Variants in PDE8A observed in about 807,000 individuals in gnomAD.
PDE8A encodes the protein phosphodiesterase 8A.
In PDE8A, 59 loss-of-function variants were observed where a neutral mutation model predicts 105.0. The observed-to-expected ratio is 0.56, with a 90% CI of 0.46 to 0.70. The LOEUF is 0.70. Ranked by LOEUF, PDE8A falls within the 30% of genes least tolerant of loss-of-function variation. The pLI, the probability that PDE8A is intolerant of heterozygous loss-of-function variation, is 0.00. For synonymous variants in PDE8A, 355 were observed against 371.9 expected (o/e 0.95, Z 0.52); for missense variants, 1,014 against 1,045.9 (o/e 0.97, Z 0.42).
intron 20 of PDE8A, among the ~76,000 whole-genome samples, chr15:85,130,380 C>G (rs531871876): frequency 6.6e-6 from 1 of 152,130 alleles, no homozygotes; most frequent in Non-Finnish European, 1.5e-5. Flanking sequence ...GTGAGTTTCC[C>G]GGTTTTCCTT....
intron 8 of PDE8A, among the ~76,000 whole-genome samples, chr15:85,094,275 T>C (rs1482264111): frequency 2.0e-5 from 3 of 152,204 alleles, no homozygotes; most frequent in Admixed American, 1.3e-4. Context: ...AAGATGATGA[T>C]GTGCAGCTGC....
chr15:85,045,451 C>T (rs2080872508), intron 1 of PDE8A, among the ~76,000 whole-genome samples: 1 of 152,230 alleles, frequency 6.6e-6, no homozygotes. Flanking sequence ...CCTGCAACTA[C>T]TGCTTACCAA....
rs577683808 is a variant in PDE8A, at chr15:85,087,547, A to C, written c.636-1791A>C. ...ACTTAGTAGTATCTCTGCACTTTAT[A>C]AGCAGGCAGTTTTCTTTTTTTTCAT... On this transcript the variant is annotated intron_variant, in intron 6 of 21. Coordinates refer to ENST00000394553, the MANE Select transcript of PDE8A (RefSeq NM_002605.3). Among the ~76,000 whole-genome samples, 4 of 151,638 alleles carry C rather than the reference A, an allele frequency of 2.6e-5. No homozygotes were observed. In the South Asian group the frequency reaches 8.3e-4, roughly 31 times the overall value.
chr15:85,087,256 G>A (rs555519262), intron 6 of PDE8A, among the ~76,000 whole-genome samples: 3 of 152,224 alleles, frequency 2.0e-5, no homozygotes, highest in Admixed American at 2.0e-4. Flanking sequence ...GGGCTGGAGT[G>A]CAGTTGTGTG....
chr15:85,083,593 A>G lies in PDE8A; in HGVS notation c.584A>G (p.Asn195Ser), dbSNP rs749321712. The change falls in exon 6 of 22, where the codon AAT becomes AGT. Residue 195 changes from asparagine (N) to serine (S), a missense_variant. Coordinates refer to ENST00000394553, the MANE Select transcript of PDE8A (RefSeq NM_002605.3). ...AACCCCAACATCATGGCCTGCTACA[A>G]TGAACTGCTCCAGCTGGAGTTTGGA... ...VENPNIMACY[N>S]ELLQLEFGEV... is the part of the protein sequence containing the mutation. 1.1e-5 allele frequency: 18 copies of G among 1,613,764 alleles called. No individual in the cohort carries two copies. Among genetic ancestry groups the G allele is most frequent in the East Asian group, 2.2e-5 (1 of 44,838 alleles).
Position 85,009,090 on chromosome 15 carries a change from T to TGA in PDE8A, c.186+26762_186+26763dup, listed in dbSNP as rs747103517. Among the ~76,000 whole-genome samples, 83 of 147,936 alleles carry TGA rather than the reference T, an allele frequency of 5.6e-4. 1 individual carries two copies. The highest frequency in any genetic ancestry group is 3.5e-3 in the Middle Eastern group (1 of 284). ...CTTCACTTCCTGGTGTGTTAGTGTG[T>TGA]GAGAGAGAGAGAGAGAGAGAGTGTG... On this transcript the variant is annotated intron_variant, in intron 1 of 21. Transcript: ENST00000394553.
chr15:84,996,741 G>A (rs1307207947), intron 1 of PDE8A, among the ~76,000 whole-genome samples: 2 of 138,006 alleles, frequency 1.4e-5, no homozygotes, highest in South Asian at 2.3e-4. Flanking sequence ...CAGGAAAGTC[G>A]CTTGAACCCA....
intron 1 of PDE8A, among the ~76,000 whole-genome samples, chr15:85,057,652 C>T (rs190151167): frequency 1.4e-3 from 211 of 152,294 alleles, no homozygotes; most frequent in Non-Finnish European, 2.3e-3. Flanking sequence ...TGTTCCTATT[C>T]GGCCATCTTG....
chr15:85,113,387 G>A lies in PDE8A; in HGVS notation c.1125G>A (p.Gln375=). Residue 375 remains glutamine (Q), a synonymous_variant, in exon 13 of 22, where the codon CAG becomes CAA. Transcript: ENST00000394553. Reference sequence around the variant, plus strand: ...TCCCTTTCTCCACAGTTTCCAGCCAGAGACGACACTCTTCCATGGCCCGGA... The same window carrying A: ...TCCCTTTCTCCACAGTTTCCAGCCAAAGACGACACTCTTCCATGGCCCGGA... ...VASRATEVSS[Q]RRHSSMARIH... is the part of the protein sequence containing the mutation. 6.2e-7 allele frequency: 1 copy of A among 1,614,060 alleles called. No homozygotes were observed.
At chr15:85,097,852 C>T (rs2081784160) in intron 8 of PDE8A, 96 bp from the exon 9 acceptor site, 2 of 703,170 alleles carry the variant, frequency 2.8e-6, no homozygotes, top group Non-Finnish European at 2.5e-6. Flanking sequence ...ATCTTAATTG[C>T]TTTAGCAATG....
intron 3 of PDE8A, among the ~76,000 whole-genome samples, chr15:85,069,681 G>A (rs1023445279): frequency 3.9e-5 from 6 of 152,156 alleles, no homozygotes; most frequent in Non-Finnish European, 7.3e-5. Context: ...GGGAACCAGT[G>A]ACAAGTAAGC....
intron 3 of PDE8A, among the ~76,000 whole-genome samples, chr15:85,074,755 C>T (rs1003304840): frequency 6.6e-6 from 1 of 152,194 alleles, no homozygotes; most frequent in African/African-American, 2.4e-5. Context: ...CTTTGAGAGA[C>T]TTGAGAACTA....
intron 15 of PDE8A, 88 bp from the exon 16 acceptor site, chr15:85,115,896 G>C: frequency 8.4e-7 from 1 of 1,185,810 alleles, no homozygotes. Flanking sequence ...CTCCAGCCTG[G>C]GCAACAGAGT....
chr15:85,035,197 C>CTTTTTTTTTT (rs35548176), intron 1 of PDE8A, among the ~76,000 whole-genome samples: 2 of 57,766 alleles, frequency 3.5e-5, no homozygotes, highest in Non-Finnish European at 5.9e-5. Flanking sequence ...TGGGTATTTC[C>CTTTTTTTTTT]TTTTTTTTTT....
At chr15:85,123,868 G>A (rs907668403) in intron 19 of PDE8A, among the ~76,000 whole-genome samples, 11 of 152,138 alleles carry the variant, frequency 7.2e-5, no homozygotes, top group African/African-American at 2.4e-4. Context: ...GGGAAAACTC[G>A]AAAGGAAGGT....
intron 4 of PDE8A, 89 bp from the exon 5 acceptor site, chr15:85,076,644 A>T (rs541259559): frequency 2.5e-6 from 2 of 811,614 alleles, no homozygotes; most frequent in African/African-American, 3.4e-5. Context: ...TCATTACATA[A>T]CGAAGTATTA....
At position 85,109,128 on chromosome 15, in the gene PDE8A, A is replaced by C; in HGVS notation, c.1112A>C (p.Glu371Ala). The stretch of plus-strand genomic sequence containing the variant: ...AAAGCTGTTGCCTCCCGTGCAACTG[A>C]AGGTGAGTGACAAAGACAAGAGAAA... ...DVKAVASRAT[E>A]VSSQRRHSSM... Residue 371 changes from glutamate (E) to alanine (A), a missense_variant and splice_region_variant, in exon 12 of 22, where the codon GAA (glutamate) becomes GCA (alanine). Coordinates refer to ENST00000394553, the MANE Select transcript of PDE8A (RefSeq NM_002605.3). 1 of 1,603,318 alleles carries C rather than the reference A, an allele frequency of 6.2e-7. No homozygotes were observed. Among genetic ancestry groups the C allele is most frequent in the Non-Finnish European group, 8.5e-7 (1 of 1,170,662 alleles).
chr15:85,117,748 A>G lies in PDE8A; in HGVS notation c.1643A>G (p.Asn548Ser), dbSNP rs764913499. 6 of 1,613,822 alleles carry G rather than the reference A, an allele frequency of 3.7e-6. No homozygotes were observed. The highest frequency in any genetic ancestry group is 5.1e-6 in the Non-Finnish European group (6 of 1,179,784). ...TCATGGTTACAAATTATCGAAGCCA[A>G]TTATCATTCCTCCAATCCCTACCAC... ...LRSWLQIIEA[N>S]YHSSNPYHNS... Residue 548 changes from asparagine to serine, a missense_variant, in exon 17 of 22, where the codon AAT becomes AGT. By Grantham distance (46) the Asn-to-Ser change is conservative (BLOSUM62 1). Transcript: ENST00000394553.
In PDE8A at chr15:85,038,216, GGTGTGTGT is replaced by G. The variant is rs773765859; in HGVS notation, c.187-26123_187-26116del. Reference sequence around the variant, plus strand: ...TCTGCAAGGCTCTCTCCAATTGGGGGGTGTGTGTGTGTGTGTGTGTGTGTGTGTGTGTG... The same window carrying G: ...TCTGCAAGGCTCTCTCCAATTGGGGGGTGTGTGTGTGTGTGTGTGTGTGTG... On this transcript the variant is annotated intron_variant, in intron 1 of 21. Transcript: ENST00000394553. 1.2e-3 allele frequency among the ~76,000 whole-genome samples: 57 copies of G among 48,324 alleles called. 1 individual carries two copies. The highest frequency in any genetic ancestry group is 1.4e-3 in the South Asian group (2 of 1,382). The allele number at this position is 48,324 out of a possible 152,430, so 31.7% of individuals were successfully genotyped here. A position where few individuals can be genotyped will look rare whatever the true frequency, so the allele number is the denominator to read the frequency against.
Sources: allele counts gnomAD v4.1 joint callset (sites outside exome capture counted in the v4.1 genomes callset), GRCh38; gene constraint gnomAD v4.1.1; transcripts MANE v1.5; gene names NCBI Gene and HGNC (gene_info 2026-07-23, HGNC 2026-07-21).